The following TTLL1 variants were observed in gnomAD, a reference collection of about 807,000 sequenced individuals.
The protein encoded by TTLL1 is TTL family tubulin polyglutamylase complex subunit L1.
Under a neutral mutation model 47.8 loss-of-function variants are expected in TTLL1, and 33 were observed. The ratio of observed to expected loss-of-function variants is 0.69; its 90% CI spans 0.52 to 0.92. The LOEUF (loss-of-function observed/expected upper bound fraction) is 0.92, where lower values mean the gene tolerates loss of function less well. Ranked by LOEUF, TTLL1 falls within the 40% of genes least tolerant of loss-of-function variation. The pLI is 0.00. For synonymous variants in TTLL1, 225 were observed against 214.1 expected (o/e 1.05, Z -0.45); for missense variants, 488 against 547.5 (o/e 0.89, Z 1.08).
chr22:43,075,527 A>G lies in TTLL1; in HGVS notation c.60T>C (p.Phe20=), dbSNP rs1233983994. The change falls in exon 3 of 11, where the codon TTT becomes TTC. Residue 20 remains phenylalanine, a synonymous_variant. Transcript: ENST00000266254. ...DIEKSVLINN[F]EKRGWVQVTE... ...TCACTTGGACCCATCCTCTCTTTTC[A>G]AAGTTATTGATCAGCACTGACTTCT... 6.2e-7 allele frequency: 1 copy of G among 1,614,164 alleles called. No individual in the cohort carries two copies. The highest frequency in any genetic ancestry group is 8.5e-7 in the Non-Finnish European group (1 of 1,180,032).
intron 3 of TTLL1, among the ~76,000 whole-genome samples, chr22:43,072,234 A>G (rs1235918985): frequency 6.7e-6 from 1 of 149,328 alleles, no homozygotes; most frequent in African/African-American, 2.5e-5. Flanking sequence ...GCTCACTGCA[A>G]TCTCCGCCTC....
intron 10 of TTLL1, 110 bp from the exon 11 acceptor site, chr22:43,040,015 G>C: frequency 6.8e-7 from 1 of 1,479,964 alleles, no homozygotes; most frequent in South Asian, 1.3e-5. Context: ...AGCGGCCTGA[G>C]GGGGCCCCAC....
intron 5 of TTLL1, among the ~76,000 whole-genome samples, chr22:43,065,566 A>G (rs1003197437): frequency 6.6e-5 from 10 of 151,950 alleles, no homozygotes; most frequent in Admixed American, 2.6e-4. Context: ...CTGGGATTAC[A>G]GGCTTGTGCC....
At chr22:43,051,916 T>C in intron 8 of TTLL1, 29 bp from the exon 9 acceptor site, 5 of 1,609,664 alleles carry the variant, frequency 3.1e-6, no homozygotes, top group Non-Finnish European at 4.3e-6. Flanking sequence ...GTGGGTGACA[T>C]GGCCAGCATC....
chr22:43,078,500 G>C (rs574496300), intron 2 of TTLL1, among the ~76,000 whole-genome samples: 1 of 151,662 alleles, frequency 6.6e-6, no homozygotes, highest in African/African-American at 2.4e-5. Flanking sequence ...TGTCAGAAAA[G>C]AAAAGGAAGG....
intron 1 of TTLL1, among the ~76,000 whole-genome samples, chr22:43,088,165 A>T (rs1205177877): frequency 6.6e-6 from 1 of 151,704 alleles, no homozygotes; most frequent in African/African-American, 2.4e-5. Flanking sequence ...ATAAATAAAT[A>T]AAGTAATAAC....
At chr22:43,070,902 T>C (rs796826255) in intron 3 of TTLL1, among the ~76,000 whole-genome samples, 12 of 152,156 alleles carry the variant, frequency 7.9e-5, no homozygotes, top group African/African-American at 2.9e-4. Context: ...AAAAGCAATA[T>C]GTATGTATGT....
In TTLL1 at chr22:43,039,825, G is replaced by C. The variant is rs1925518540; in HGVS notation, c.1223C>G (p.Ala408Gly). 1.2e-6 allele frequency: 2 copies of C among 1,614,028 alleles called. No homozygotes were observed. The highest frequency in any genetic ancestry group is 1.3e-5 in the African/African-American group (1 of 75,056). The change falls in exon 11 of 11, where the codon GCA (alanine) becomes GGA (glycine). Residue 408 changes from alanine to glycine, a missense_variant. Coordinates refer to ENST00000266254, the MANE Select transcript of TTLL1 (RefSeq NM_012263.5). ...SRQGQSLGPR[A>G]GRSRDSGRAV... ...TCTCCCCGAGTCTCTCGATCGGCCT[G>C]CTCTGGGCCCCAGAGACTGACCCTG...
chr22:43,080,902 C>CTTTTTTTTTTTTTTTTT lies in TTLL1; in HGVS notation c.-89-933_-89-917dup, dbSNP rs10529079. On this transcript the variant is annotated intron_variant, in intron 1 of 10. Coordinates refer to ENST00000266254, the MANE Select transcript of TTLL1 (RefSeq NM_012263.5). ...GTCACCTGTTCCCAGTGTTGCATGA[C>CTTTTTTTTTTTTTTTTT]TTTTTTTTTTTTTTTTTTTTTTTTT... 5.3e-4 allele frequency among the ~76,000 whole-genome samples: 37 copies of CTTTTTTTTTTTTTTTTT among 69,296 alleles called. 10 individuals are homozygous for CTTTTTTTTTTTTTTTTT. Among genetic ancestry groups the CTTTTTTTTTTTTTTTTT allele is most frequent in the Non-Finnish European group, 6.8e-4 (26 of 37,976 alleles). 45.5% of individuals were successfully genotyped at this position (69,296 alleles called of 152,430 possible).
At chr22:43,081,612 C>T (rs1470172996) in intron 1 of TTLL1, among the ~76,000 whole-genome samples, 4 of 152,064 alleles carry the variant, frequency 2.6e-5, no homozygotes, top group African/African-American at 7.2e-5. Context: ...TGCAGTGGCG[C>T]GATCTCAGCT....
intron 3 of TTLL1, among the ~76,000 whole-genome samples, chr22:43,073,609 G>A (rs1569441869): frequency 1.3e-5 from 2 of 151,794 alleles, no homozygotes; most frequent in Non-Finnish European, 2.9e-5. Context: ...ACCCGCCTTG[G>A]CCTCCCAAAG....
intron 1 of TTLL1, among the ~76,000 whole-genome samples, chr22:43,080,902 CTTTTTTTTTTTTTTTTTTTTTT>C (rs10529079): frequency 1.4e-5 from 1 of 69,284 alleles, no homozygotes; most frequent in Non-Finnish European, 2.6e-5. Context: ...TGTTGCATGA[CTTTTTTTTTTTTTTTTTTTTTT>C]TTTTTTTTTT....
intron 8 of TTLL1, among the ~76,000 whole-genome samples, chr22:43,056,605 G>A (rs1440553413): frequency 1.3e-5 from 2 of 150,496 alleles, no homozygotes. Context: ...GCAACATGGC[G>A]AAACCCTGTC....
chr22:43,052,920 C>T (rs1039554435), intron 8 of TTLL1, among the ~76,000 whole-genome samples: 3 of 151,442 alleles, frequency 2.0e-5, no homozygotes, highest in East Asian at 1.9e-4. Flanking sequence ...ATTAGCGAGC[C>T]GTGGTGGCGC....
intron 8 of TTLL1, among the ~76,000 whole-genome samples, chr22:43,054,347 G>A (rs1926849648): frequency 1.3e-5 from 2 of 151,998 alleles, no homozygotes; most frequent in African/African-American, 4.8e-5. Flanking sequence ...CACACACTGT[G>A]CTCACGCACC....
chr22:43,078,994 C>A (rs6003038), intron 2 of TTLL1, among the ~76,000 whole-genome samples: 2 of 16,598 alleles, frequency 1.2e-4, no homozygotes, highest in African/African-American at 4.0e-4. Flanking sequence ...CCCACAGACA[C>A]GGGGACCACG....
chr22:43,050,885 T>C (rs1017612488), intron 9 of TTLL1, among the ~76,000 whole-genome samples: 1 of 152,156 alleles, frequency 6.6e-6, no homozygotes, highest in African/African-American at 2.4e-5. Flanking sequence ...TATTCCCCGC[T>C]CACACACCCA....
chr22:43,047,931 C>G (rs563593846), intron 9 of TTLL1, among the ~76,000 whole-genome samples: 23 of 152,248 alleles, frequency 1.5e-4, no homozygotes, highest in African/African-American at 5.3e-4. Flanking sequence ...ATGTACTGTG[C>G]CAAAGAATTG....
intron 5 of TTLL1, 106 bp downstream of exon 5, chr22:43,068,304 G>A (rs1279979810): frequency 2.7e-5 from 27 of 999,396 alleles, no homozygotes; most frequent in Non-Finnish European, 3.6e-5. Flanking sequence ...GCGACAGAGT[G>A]AGACTCTGTC....
Sources: allele counts gnomAD v4.1 joint callset (sites outside exome capture counted in the v4.1 genomes callset), GRCh38; gene constraint gnomAD v4.1.1; transcripts MANE v1.5; gene names NCBI Gene and HGNC (gene_info 2026-07-23, HGNC 2026-07-21).